The following ADGB variants were observed in gnomAD, a reference collection of about 807,000 sequenced individuals.
ADGB encodes the protein calpain-7-like protein.
ADGB carries 172 observed loss-of-function variants against 210.5 expected under a neutral mutation model. The observed-to-expected ratio is 0.82, with a 90% CI of 0.72 to 0.93. The LOEUF (loss-of-function observed/expected upper bound fraction) is 0.93. Among genes scored for constraint, ADGB ranks in the 40% least tolerant of loss-of-function variants. ADGB has a pLI of 0.00. For synonymous variants in ADGB, 658 were observed against 662.7 expected (o/e 0.99, Z 0.11); for missense variants, 2,025 against 1,964.8 (o/e 1.03, Z -0.58).
At chr6:146,773,610 T>A (rs1336727914) in intron 29 of ADGB, among the ~76,000 whole-genome samples, 1 of 152,196 alleles carries the variant, frequency 6.6e-6, no homozygotes. Flanking sequence ...GTTATTACCA[T>A]CCCAGTTTTA....
chr6:146,803,886 A>G (rs1778171483), intron 35 of ADGB: 1 of 336,660 alleles, frequency 3.0e-6, no homozygotes, highest in Admixed American at 4.6e-5. Flanking sequence ...AGTCTTAACA[A>G]GCCAATTAGC....
In ADGB at chr6:146,622,020, C is replaced by A. The variant is rs117024784; in HGVS notation, c.75-13355C>A. On this transcript the variant is annotated intron_variant, in intron 1 of 35. Transcript: ENST00000397944. The stretch of plus-strand genomic sequence containing the variant: ...TGGCCACCAGCACTATATGAAAGTT[C>A]CAGTTGCTCCACATCCTTTTCAACA... 1.8e-4 allele frequency among the ~76,000 whole-genome samples: 28 copies of A among 152,210 alleles called. No homozygotes were observed. In the East Asian group the frequency reaches 5.0e-3, roughly 27 times the overall value.
intron 1 of ADGB, among the ~76,000 whole-genome samples, chr6:146,635,149 G>T (rs2114858653): frequency 6.6e-6 from 1 of 152,020 alleles, no homozygotes; most frequent in Admixed American, 6.6e-5. Context: ...GCATCAGTAA[G>T]TAGGGACTAA....
chr6:146,788,776 G>A (rs1317301287), intron 33 of ADGB, among the ~76,000 whole-genome samples, 166 bp downstream of exon 33: 2 of 152,160 alleles, frequency 1.3e-5, no homozygotes, highest in Non-Finnish European at 2.9e-5. Context: ...ATTTGCTCAA[G>A]GACCTGACTA....
chr6:146,735,679 G>A (rs143664006), intron 22 of ADGB, among the ~76,000 whole-genome samples: 110 of 152,250 alleles, frequency 7.2e-4, no homozygotes, highest in African/African-American at 2.4e-3. Flanking sequence ...TACATATAAT[G>A]ATTTTACTTC....
chr6:146,653,241 T>C (rs1193716702), intron 3 of ADGB, among the ~76,000 whole-genome samples: 1 of 152,010 alleles, frequency 6.6e-6, no homozygotes, highest in Non-Finnish European at 1.5e-5. Context: ...CCGCTGATGC[T>C]ACATTATGGT....
In ADGB at chr6:146,724,330, ATG is replaced by A. The variant is rs1390964408; in HGVS notation, c.2237+4_2237+5del. On this transcript the variant is annotated splice_donor_5th_base_variant and intron_variant, in intron 18 of 35. Coordinates refer to ENST00000397944, the MANE Select transcript of ADGB (RefSeq NM_024694.4). ...ACAGTGGTTCGTCTGCCTGTTGGGT[ATG>A]AAGTGGCTTCATTTTTCCCATAATA... The A allele has an allele frequency of 2.0e-6, 3 of 1,509,606 alleles. No homozygotes were observed. The highest frequency in any genetic ancestry group is 2.7e-6 in the Non-Finnish European group (3 of 1,130,868). 93.5% of individuals were successfully genotyped at this position (1,509,606 alleles called of 1,614,324 possible).
intron 33 of ADGB, among the ~76,000 whole-genome samples, chr6:146,794,413 C>T (rs1027552737): frequency 2.7e-5 from 4 of 149,000 alleles, no homozygotes; most frequent in African/African-American, 1.0e-4. Flanking sequence ...GAGAAAAAAC[C>T]TTACTGTTTC....
intron 1 of ADGB, among the ~76,000 whole-genome samples, chr6:146,609,486 T>C (rs1218798105): frequency 6.6e-6 from 1 of 152,184 alleles, no homozygotes; most frequent in African/African-American, 2.4e-5. Flanking sequence ...TATTGTGTAG[T>C]TTCTTTATAG....
chr6:146,630,698 G>T (rs1181563788), intron 1 of ADGB, among the ~76,000 whole-genome samples: 1 of 152,170 alleles, frequency 6.6e-6, no homozygotes, highest in Admixed American at 6.6e-5. Flanking sequence ...ACAGTACATG[G>T]TCTTGTGCCC....
intron 12 of ADGB, among the ~76,000 whole-genome samples, chr6:146,697,148 C>G (rs1221259912): frequency 6.6e-6 from 1 of 152,076 alleles, no homozygotes; most frequent in East Asian, 1.9e-4. Context: ...CCCACACTCA[C>G]TAATATTTGA....
chr6:146,682,178 G>A (rs1776167133), intron 9 of ADGB, among the ~76,000 whole-genome samples: 2 of 151,938 alleles, frequency 1.3e-5, no homozygotes, highest in Non-Finnish European at 1.5e-5. Flanking sequence ...CAAAATTTCA[G>A]GCTGAAATTT....
At chr6:146,812,444 T>G (rs1778316481) in intron 35 of ADGB, among the ~76,000 whole-genome samples, 1 of 152,256 alleles carries the variant, frequency 6.6e-6, no homozygotes, top group Admixed American at 6.5e-5. Context: ...GTTTATACAT[T>G]TCTTTAAAGG....
At chr6:146,666,624 T>A (rs1380623440) in intron 6 of ADGB, among the ~76,000 whole-genome samples, 192 bp from the exon 7 acceptor site, 1 of 151,984 alleles carries the variant, frequency 6.6e-6, no homozygotes, top group Non-Finnish European at 1.5e-5. Flanking sequence ...CAAATACAAA[T>A]GAAATTAATT....
intron 6 of ADGB, 30 bp downstream of exon 6, chr6:146,664,370 T>TA (rs1397334353): frequency 6.6e-6 from 10 of 1,512,800 alleles, no homozygotes; most frequent in East Asian, 2.5e-5. Context: ...CTCACATGAA[T>TA]AAAAAAAGCA....
intron 9 of ADGB, among the ~76,000 whole-genome samples, chr6:146,682,684 T>G (rs1776173796): frequency 6.6e-6 from 1 of 152,114 alleles, no homozygotes; most frequent in Non-Finnish European, 1.5e-5. Context: ...AAAAGCAGTT[T>G]TATTGATATA....
chr6:146,603,438 T>C (rs1780588398), intron 1 of ADGB, among the ~76,000 whole-genome samples: 1 of 152,208 alleles, frequency 6.6e-6, no homozygotes, highest in Admixed American at 6.5e-5. Context: ...ATACACTTTA[T>C]ACACTAAAAT....
intron 29 of ADGB, 139 bp from the exon 30 acceptor site, chr6:146,781,881 T>G: frequency 3.4e-6 from 2 of 579,772 alleles, no homozygotes; most frequent in Non-Finnish European, 2.7e-6. Flanking sequence ...CCAACAGGCC[T>G]TTATAAAAAT....
At chr6:146,674,677 G>C (rs1013295611) in intron 8 of ADGB, among the ~76,000 whole-genome samples, 2 of 152,166 alleles carry the variant, frequency 1.3e-5, no homozygotes, top group Non-Finnish European at 2.9e-5. Flanking sequence ...ATTTAAAATA[G>C]ATGTGGCAAG....
Sources: gnomAD v4.1 joint callset for allele counts (sites outside exome capture counted in the v4.1 genomes callset) on GRCh38, gnomAD v4.1.1 for gene constraint, MANE v1.5 for transcripts, NCBI Gene and HGNC (gene_info 2026-07-23, HGNC 2026-07-21) for gene names.